COL11A1: variants seen among roughly 807,000 people sequenced by gnomAD.
COL11A1 encodes the protein collagen alpha-1(XI) chain.
In COL11A1, 74 loss-of-function variants were observed where a neutral mutation model predicts 265.2. That is an observed-to-expected ratio of 0.28 (90% CI 0.23 to 0.34). The LOEUF (loss-of-function observed/expected upper bound fraction) is 0.34. COL11A1 is among the 10% of genes least tolerant of loss of function. The pLI is 1.00. For missense variants in COL11A1, 2,165 were observed against 2,263.6 expected (o/e 0.96, Z 0.88); for synonymous variants, 816 against 727.6 (o/e 1.12, Z -1.96).
At chr1:102,961,829 C>G in intron 41 of COL11A1, 37 bp downstream of exon 41, 1 of 1,587,602 alleles carries the variant, frequency 6.3e-7, no homozygotes, top group Non-Finnish European at 8.6e-7. Context: ...TAATTCACAA[C>G]CATGATTGTC....
chr1:102,993,426 C>A (rs1664326915), intron 28 of COL11A1, among the ~76,000 whole-genome samples: 3 of 152,012 alleles, frequency 2.0e-5, no homozygotes, highest in Non-Finnish European at 4.4e-5. Flanking sequence ...TATAGCCTAC[C>A]CACATCCTTC....
At chr1:103,023,123 A>C in intron 7 of COL11A1, 127 bp from the exon 8 acceptor site, 3 of 882,040 alleles carry the variant, frequency 3.4e-6, no homozygotes, top group Non-Finnish European at 3.6e-6. Context: ...AAGCAACTCT[A>C]AACACCTGGA....
chr1:103,037,142 T>TATA lies in COL11A1; in HGVS notation c.652-5899_652-5898insTAT, dbSNP rs1553242540. Among the ~76,000 whole-genome samples the TATA allele has an allele frequency of 4.1e-3, 609 of 148,398 alleles. 8 individuals are homozygous for TATA. The highest frequency in any genetic ancestry group is 0.014 in the African/African-American group (560 of 40,650). On this transcript the variant is annotated intron_variant, in intron 4 of 66. Coordinates refer to ENST00000370096, the MANE Select transcript of COL11A1 (RefSeq NM_001854.4). ...TACTTTGGTTTGCATATATATAATTTTATATATATATATATAAAGTCTATA... is the reference window on the plus strand; with the variant it reads ...TACTTTGGTTTGCATATATATAATTTATATATATATATATATATAAAGTCTATA...
At chr1:102,973,200 T>G (rs1057025079) in intron 36 of COL11A1, among the ~76,000 whole-genome samples, 1 of 152,108 alleles carries the variant, frequency 6.6e-6, no homozygotes, top group African/African-American at 2.4e-5. Context: ...TAGAGAAACA[T>G]AGTATAAAAA....
intron 4 of COL11A1, among the ~76,000 whole-genome samples, chr1:103,063,888 T>C (rs901939133): frequency 6.6e-6 from 1 of 152,134 alleles, no homozygotes; most frequent in Non-Finnish European, 1.5e-5. Context: ...GACTTAAAAA[T>C]GCACAAATAT....
chr1:102,917,426 A>G (rs1392646134), intron 49 of COL11A1, among the ~76,000 whole-genome samples: 3 of 151,972 alleles, frequency 2.0e-5, no homozygotes, highest in Non-Finnish European at 2.9e-5. Flanking sequence ...ACATTGGTCT[A>G]GGCAAATAAT....
At chr1:102,996,982 T>G (rs985609576) in intron 26 of COL11A1, 98 bp downstream of exon 26, 22 of 978,424 alleles carry the variant, frequency 2.2e-5, no homozygotes, top group Non-Finnish European at 3.6e-5. Flanking sequence ...CCAAAATAAC[T>G]ATATGAACGT....
At chr1:102,977,105 T>C (rs559712127) in intron 35 of COL11A1, among the ~76,000 whole-genome samples, 2 of 152,294 alleles carry the variant, frequency 1.3e-5, no homozygotes, top group East Asian at 3.9e-4. Context: ...TCTAATCCAA[T>C]GGTACTACAG....
intron 4 of COL11A1, among the ~76,000 whole-genome samples, chr1:103,032,205 A>T (rs1668046510): frequency 6.6e-6 from 1 of 152,140 alleles, no homozygotes; most frequent in African/African-American, 2.4e-5. Flanking sequence ...AATCTGATTC[A>T]TAAAACTCCC....
intron 49 of COL11A1, among the ~76,000 whole-genome samples, chr1:102,919,609 T>G (rs2101062135): frequency 6.6e-6 from 1 of 152,096 alleles, no homozygotes; most frequent in South Asian, 2.1e-4. Flanking sequence ...CACGCAAATA[T>G]CCATGATAAT....
rs57013059 is a variant in COL11A1, at chr1:103,027,396, A to AATATATATAT, written c.781-1074_781-1065dup. ...AGTAAACTCAACAAGTTAAAACTCT[A>AATATATATAT]ATATATATATATATATATATATATA... On this transcript the variant is annotated intron_variant, in intron 5 of 66. Coordinates refer to ENST00000370096, the MANE Select transcript of COL11A1 (RefSeq NM_001854.4). 9.7e-4 allele frequency among the ~76,000 whole-genome samples: 89 copies of AATATATATAT among 92,030 alleles called. 2 individuals are homozygous for AATATATATAT. Among genetic ancestry groups the AATATATATAT allele is most frequent in the Non-Finnish European group, 1.2e-3 (56 of 48,246 alleles). 60.4% of individuals were successfully genotyped at this position (92,030 alleles called of 152,430 possible).
chr1:103,039,516 C>T (rs1044851276), intron 4 of COL11A1, among the ~76,000 whole-genome samples: 1 of 150,942 alleles, frequency 6.6e-6, no homozygotes, highest in Non-Finnish European at 1.5e-5. Context: ...GAGTAAGACA[C>T]AAACACACAC....
intron 1 of COL11A1, among the ~76,000 whole-genome samples, chr1:103,091,184 A>G (rs190997280): frequency 6.6e-6 from 1 of 152,212 alleles, no homozygotes; most frequent in African/African-American, 2.4e-5. Context: ...CATCTAAGCT[A>G]TTTATTAAAG....
intron 4 of COL11A1, among the ~76,000 whole-genome samples, chr1:103,065,989 C>T (rs978732893): frequency 1.3e-5 from 2 of 151,996 alleles, no homozygotes; most frequent in African/African-American, 4.8e-5. Context: ...AGAGACAAAA[C>T]ATTTTTACAG....
intron 46 of COL11A1, among the ~76,000 whole-genome samples, chr1:102,926,663 C>G (rs1375000738): frequency 6.6e-6 from 1 of 151,868 alleles, no homozygotes; most frequent in African/African-American, 2.4e-5. Context: ...CACATTTCTT[C>G]GTGAAAATGA....
At chr1:102,986,527 C>T (rs980084961) in intron 30 of COL11A1, among the ~76,000 whole-genome samples, 3 of 151,752 alleles carry the variant, frequency 2.0e-5, no homozygotes, top group Non-Finnish European at 4.4e-5. Flanking sequence ...CTAACCTGCA[C>T]GTTGTGCATT....
chr1:102,948,756 TTAA>T (rs143161366), intron 41 of COL11A1, among the ~76,000 whole-genome samples: 289 of 151,826 alleles, frequency 1.9e-3, no homozygotes, highest in African/African-American at 6.1e-3. Flanking sequence ...ATTTTTTAAT[TTAA>T]TAATATTAAA....
At chr1:102,965,608 A>C in intron 37 of COL11A1, 68 bp from the exon 38 acceptor site, 1 of 1,274,990 alleles carries the variant, frequency 7.8e-7, no homozygotes, top group Non-Finnish European at 1.1e-6. Context: ...ATTCTATGAG[A>C]TAGCTGAATA....
At chr1:103,026,072 C>A in intron 6 of COL11A1, 144 bp downstream of exon 6, 1 of 1,231,014 alleles carries the variant, frequency 8.1e-7, no homozygotes, top group Non-Finnish European at 1.2e-6. Flanking sequence ...AAAACGGCTA[C>A]TGTCAAATAA....
Sources: allele counts gnomAD v4.1 joint callset (sites outside exome capture counted in the v4.1 genomes callset), GRCh38; gene constraint gnomAD v4.1.1; transcripts MANE v1.5; gene names NCBI Gene and HGNC (gene_info 2026-07-23, HGNC 2026-07-21).